Variants in NCAM1 observed in about 807,000 individuals in gnomAD.
NCAM1 encodes the protein neural cell adhesion molecule 1.
A neutral mutation model predicts 109.8 loss-of-function variants in NCAM1; 14 were observed. The ratio of observed to expected loss-of-function variants is 0.13; its 90% CI spans 0.08 to 0.20. The LOEUF (loss-of-function observed/expected upper bound fraction) is 0.20. NCAM1 is among the 10% of genes least tolerant of loss of function. NCAM1 has a pLI of 1.00. For missense variants in NCAM1, 774 were observed against 1,109.9 expected (o/e 0.70, Z 4.30); for synonymous variants, 418 against 442.9 (o/e 0.94, Z 0.70).
chr11:113,113,760 G>T (rs1940553078), intron 1 of NCAM1, among the ~76,000 whole-genome samples: 1 of 104,970 alleles, frequency 9.5e-6, no homozygotes, highest in Admixed American at 1.0e-4. Context: ...TTTAAGACAG[G>T]TTCTTTTAAA....
intron 14 of NCAM1, chr11:113,236,437 G>C (rs1478180167): frequency 2.8e-6 from 3 of 1,089,790 alleles, no homozygotes; most frequent in Non-Finnish European, 4.2e-6. Context: ...GATATTGTCT[G>C]GGCCCTAACC....
At chr11:113,127,203 A>G (rs1190770823) in intron 1 of NCAM1, among the ~76,000 whole-genome samples, 1 of 152,188 alleles carries the variant, frequency 6.6e-6, no homozygotes, top group Non-Finnish European at 1.5e-5. Context: ...CTACCCCAGA[A>G]TCTCCAGGAG....
At chr11:113,165,759 C>T (rs555565072) in intron 1 of NCAM1, among the ~76,000 whole-genome samples, 2 of 151,854 alleles carry the variant, frequency 1.3e-5, no homozygotes, top group African/African-American at 4.8e-5. Flanking sequence ...ACCACTGGCT[C>T]TCTCCTGGCT....
chr11:113,124,055 C>G (rs1365967310), intron 1 of NCAM1, among the ~76,000 whole-genome samples: 2 of 152,116 alleles, frequency 1.3e-5, no homozygotes, highest in African/African-American at 2.4e-5. Flanking sequence ...CAAGCTGGCT[C>G]CTCCAAAGTA....
chr11:113,097,162 T>C (rs1306179434), intron 1 of NCAM1, among the ~76,000 whole-genome samples: 1 of 152,212 alleles, frequency 6.6e-6, no homozygotes, highest in Non-Finnish European at 1.5e-5. Flanking sequence ...GATTCCATCT[T>C]GGCTCACTCT....
At chr11:112,967,488 T>C (rs533735662) in intron 1 of NCAM1, among the ~76,000 whole-genome samples, 4 of 152,332 alleles carry the variant, frequency 2.6e-5, no homozygotes, top group South Asian at 2.1e-4. Context: ...TTACTAGCTG[T>C]CTGATCTCAG....
intron 1 of NCAM1, among the ~76,000 whole-genome samples, chr11:113,096,436 G>C (rs1181869467): frequency 1.3e-5 from 2 of 152,138 alleles, no homozygotes; most frequent in Admixed American, 1.3e-4. Flanking sequence ...AATGTGTTTT[G>C]TATGGTAAAG....
At chr11:112,983,992 C>T (rs1252325611) in intron 1 of NCAM1, among the ~76,000 whole-genome samples, 1 of 151,834 alleles carries the variant, frequency 6.6e-6, no homozygotes, top group Non-Finnish European at 1.5e-5. Context: ...TGCTTTAGGT[C>T]TCTAGACTTA....
intron 1 of NCAM1, among the ~76,000 whole-genome samples, chr11:113,117,152 T>C (rs1245082): frequency 0.035 from 5,247 of 152,064 alleles, 179 homozygotes; most frequent in East Asian, 0.085. Context: ...ACAGACTTTT[T>C]TTGGTATTTC....
At chr11:113,250,240 A>T (rs1945634686) in intron 15 of NCAM1, among the ~76,000 whole-genome samples, 1 of 152,232 alleles carries the variant, frequency 6.6e-6, no homozygotes, top group African/African-American at 2.4e-5. Context: ...GCATCCCTAG[A>T]ATAGCCAGGT....
chr11:113,222,060 CCTA>C (rs1555115439), intron 9 of NCAM1, among the ~76,000 whole-genome samples: 1 of 152,050 alleles, frequency 6.6e-6, no homozygotes, highest in East Asian at 1.9e-4. Flanking sequence ...ATCTCAAGAC[CCTA>C]CTTATGATCA....
rs1450391933 is a variant in NCAM1, at chr11:113,231,474, A to T, written c.1090-171A>T. The T allele has an allele frequency of 3.4e-6, 3 of 872,268 alleles. No homozygotes were observed. The African/African-American group carries it at 5.1e-5, about 15-fold the overall frequency. 54.0% of individuals were successfully genotyped at this position (872,268 alleles called of 1,614,324 possible). A position where few individuals can be genotyped will look rare whatever the true frequency, so the allele number is the denominator to read the frequency against. ...CATGCTGCTTCCCAGTGCCTCCCCC[A>T]TTAGATGGTACCTAAAGTAAGAAAG... On this transcript the variant is annotated intron_variant, in intron 9 of 19. Coordinates refer to ENST00000316851, the MANE Select transcript of NCAM1 (RefSeq NM_181351.5).
intron 1 of NCAM1, among the ~76,000 whole-genome samples, chr11:113,104,618 C>T (rs968115626): frequency 2.0e-5 from 3 of 152,120 alleles, no homozygotes; most frequent in Admixed American, 6.5e-5. Flanking sequence ...GGTAATCACT[C>T]GCTGTCCTCA....
At chr11:113,204,548 C>G in intron 3 of NCAM1, 44 bp downstream of exon 3, 1 of 1,569,174 alleles carries the variant, frequency 6.4e-7, no homozygotes, top group Non-Finnish European at 8.7e-7. Context: ...CCTCTCCTTG[C>G]CAAGGAGACA....
rs782653259 is a variant in NCAM1, at chr11:113,177,113, C to G, written c.53-25266C>G. Among the ~76,000 whole-genome samples the G allele has an allele frequency of 1.2e-4, 18 of 152,284 alleles. No individual in the cohort carries two copies. The East Asian group carries it at 1.9e-3, about 16-fold the overall frequency. On this transcript the variant is annotated intron_variant, in intron 1 of 19. Transcript: ENST00000316851. ...TCACAAAATGTTATCTCAGGCATAT[C>G]CTGGGATGTGTTTTTTCTGGCTGCC...
intron 15 of NCAM1, among the ~76,000 whole-genome samples, chr11:113,251,095 C>T (rs1273032046): frequency 1.3e-5 from 2 of 152,234 alleles, no homozygotes; most frequent in African/African-American, 4.8e-5. Flanking sequence ...GCCATTGTGC[C>T]CAGCCCCAGA....
Position 113,032,087 on chromosome 11 carries a change from G to A in NCAM1, c.52+70423G>A, listed in dbSNP as rs144608847. Among the ~76,000 whole-genome samples the A allele has an allele frequency of 5.0e-4, 76 of 152,148 alleles. 1 individual carries two copies. The East Asian group carries it at 0.014, about 29-fold the overall frequency. ...CTCGTGAGTAGCTGGGACCACAGAT[G>A]TGCCACCACATCCATCTAATTTTTT... On this transcript the variant is annotated intron_variant, in intron 1 of 19. Coordinates refer to ENST00000316851, the MANE Select transcript of NCAM1 (RefSeq NM_181351.5).
intron 17 of NCAM1, among the ~76,000 whole-genome samples, chr11:113,269,066 G>A (rs781978955): frequency 2.6e-5 from 4 of 152,162 alleles, no homozygotes; most frequent in African/African-American, 7.2e-5. Flanking sequence ...TTCCCACATC[G>A]ACTTAATGGC....
At chr11:112,967,002 A>G (rs1475384993) in intron 1 of NCAM1, among the ~76,000 whole-genome samples, 9 of 152,226 alleles carry the variant, frequency 5.9e-5, no homozygotes, top group African/African-American at 2.2e-4. Flanking sequence ...CCCATTATGC[A>G]TTCTATTTTC....
Sources: allele counts gnomAD v4.1 joint callset (sites outside exome capture counted in the v4.1 genomes callset), GRCh38; gene constraint gnomAD v4.1.1; transcripts MANE v1.5; gene names NCBI Gene and HGNC (gene_info 2026-07-23, HGNC 2026-07-21).